The following LYPLA1 variants were observed in gnomAD, a reference collection of about 807,000 sequenced individuals.
The protein encoded by LYPLA1 is acyl-protein thioesterase 1.
In LYPLA1, 17 loss-of-function variants were observed where a neutral mutation model predicts 34.0. The ratio of observed to expected loss-of-function variants is 0.50; its 90% CI spans 0.34 to 0.75. LYPLA1 has a LOEUF of 0.75. Ranked by LOEUF, LYPLA1 falls within the 30% of genes least tolerant of loss-of-function variation. LYPLA1 has a pLI of 0.01. For missense variants in LYPLA1, 203 were observed against 288.8 expected (o/e 0.70, Z 2.15); for synonymous variants, 98 against 100.8 (o/e 0.97, Z 0.17).
chr8:54,072,949 A>C (rs983398368), intron 2 of LYPLA1, among the ~76,000 whole-genome samples: 4 of 152,058 alleles, frequency 2.6e-5, no homozygotes, highest in Admixed American at 6.6e-5. Flanking sequence ...AAAAAAAAAA[A>C]AAAGACATAC....
chr8:54,062,427 AAT>A (rs1317946646), intron 4 of LYPLA1, 103 bp from the exon 5 acceptor site: 2 of 436,230 alleles, frequency 4.6e-6, no homozygotes, highest in South Asian at 6.0e-5. Flanking sequence ...GCTAACCAGA[AAT>A]ATGTTTTATT....
At chr8:54,083,406 CAA>C (rs1808454172) in intron 2 of LYPLA1, among the ~76,000 whole-genome samples, 1 of 152,164 alleles carries the variant, frequency 6.6e-6, no homozygotes, top group African/African-American at 2.4e-5. Flanking sequence ...TATGAATATA[CAA>C]ACAGTTCCCA....
intron 1 of LYPLA1, chr8:54,101,322 G>C: frequency 9.3e-7 from 1 of 1,071,362 alleles, no homozygotes; most frequent in Non-Finnish European, 1.1e-6. Context: ...TTTCATACAC[G>C]AGTTTTCTAA....
At chr8:54,060,132 C>CTTT (rs112722082) in intron 5 of LYPLA1, among the ~76,000 whole-genome samples, 49,913 of 151,102 alleles carry the variant, frequency 0.33, 11,030 homozygotes, top group East Asian at 0.73. Context: ...TTCTTTCTTT[C>CTTT]TTTTTTTCCT....
At chr8:54,055,029 G>A (rs1414257871) in intron 6 of LYPLA1, 31 bp downstream of exon 6, 2 of 1,266,072 alleles carry the variant, frequency 1.6e-6, no homozygotes, top group East Asian at 2.3e-5. Context: ...TATACTGATG[G>A]TACTGACATT....
chr8:54,089,493 G>GC (rs1809049747), intron 2 of LYPLA1, among the ~76,000 whole-genome samples: 1 of 93,160 alleles, frequency 1.1e-5, no homozygotes, highest in African/African-American at 5.6e-5. Flanking sequence ...AGACATCCCT[G>GC]GGGGGGGGCG....
chr8:54,051,379 G>C (rs924516419), intron 7 of LYPLA1, among the ~76,000 whole-genome samples, 191 bp from the exon 8 acceptor site: 3 of 152,068 alleles, frequency 2.0e-5, no homozygotes, highest in Non-Finnish European at 4.4e-5. Flanking sequence ...TGATCACCTT[G>C]CCTCATATTA....
At chr8:54,089,636 T>G (rs1161472941) in intron 2 of LYPLA1, among the ~76,000 whole-genome samples, 1 of 152,046 alleles carries the variant, frequency 6.6e-6, no homozygotes, top group Non-Finnish European at 1.5e-5. Flanking sequence ...CTCTTTTTTT[T>G]TTTTTTGAGA....
rs917213178 is a variant in LYPLA1, at chr8:54,076,533, C to T, written c.102-10720G>A. ...GGGAGACATGTTGGGAGCAAGCCCC[C>T]CCGAAATCTGGCTATAAACTGGCCC... On this transcript the variant is annotated intron_variant, in intron 2 of 8. Coordinates refer to ENST00000316963, the MANE Select transcript of LYPLA1 (RefSeq NM_006330.4). Among the ~76,000 whole-genome samples, 42 of 152,296 alleles carry T rather than the reference C, an allele frequency of 2.8e-4. 1 individual carries two copies. The highest frequency in any genetic ancestry group is 9.6e-4 in the African/African-American group (40 of 41,564).
chr8:54,081,874 C>T (rs554891784), intron 2 of LYPLA1, among the ~76,000 whole-genome samples: 1 of 152,190 alleles, frequency 6.6e-6, no homozygotes, highest in African/African-American at 2.4e-5. Context: ...CGATTACAGG[C>T]ATGTGCCACC....
At chr8:54,053,722 T>C (rs1806009601) in intron 6 of LYPLA1, 1 of 456,110 alleles carries the variant, frequency 2.2e-6, no homozygotes, top group African/African-American at 2.0e-5. Flanking sequence ...AAAGCCAAGA[T>C]GGCCAATTGT....
intron 5 of LYPLA1, 123 bp downstream of exon 5, chr8:54,062,131 T>C: frequency 1.5e-6 from 1 of 650,558 alleles, no homozygotes; most frequent in Non-Finnish European, 2.6e-6. Context: ...GTACTGGGAT[T>C]ACAGGCGTGA....
chr8:54,100,555 G>A (rs991467872), intron 2 of LYPLA1: 1 of 272,466 alleles, frequency 3.7e-6, no homozygotes, highest in Admixed American at 5.8e-5. Context: ...AAATCAACTA[G>A]TTCTTCTCTT....
intron 2 of LYPLA1, among the ~76,000 whole-genome samples, chr8:54,098,742 T>C (rs947097525): frequency 2.0e-5 from 3 of 152,190 alleles, no homozygotes; most frequent in Non-Finnish European, 4.4e-5. Flanking sequence ...ATAAAGTATT[T>C]CTGGAATTTT....
At chr8:54,061,922 C>T (rs894249300) in intron 5 of LYPLA1, among the ~76,000 whole-genome samples, 1 of 152,160 alleles carries the variant, frequency 6.6e-6, no homozygotes, top group African/African-American at 2.4e-5. Context: ...GTGGGGCGAT[C>T]TCAGCTCACT....
At chr8:54,061,042 A>G (rs1172278577) in intron 5 of LYPLA1, among the ~76,000 whole-genome samples, 1 of 150,558 alleles carries the variant, frequency 6.6e-6, no homozygotes, top group Non-Finnish European at 1.5e-5. Context: ...CATTATTTTC[A>G]CTGTTATTCC....
Position 54,101,850 on chromosome 8 carries a change from G to T in LYPLA1, c.-27C>A. 3.2e-6 allele frequency: 4 copies of T among 1,235,772 alleles called. No individual in the cohort carries two copies. The highest frequency in any genetic ancestry group is 4.1e-6 in the Non-Finnish European group (4 of 977,634). 76.6% of individuals were successfully genotyped at this position (1,235,772 alleles called of 1,614,324 possible). On this transcript the variant is annotated 5_prime_UTR_variant, in exon 1 of 9. Transcript: ENST00000316963. ...CACCGCCTCAGCTCACAGCGCAAGC[G>T]GAAGGAAGAGCGGGCGCCCGGCCGC... is the stretch of plus-strand genomic sequence containing the variant.
intron 2 of LYPLA1, among the ~76,000 whole-genome samples, chr8:54,069,884 T>C (rs1807340326): frequency 6.6e-6 from 1 of 152,182 alleles, no homozygotes; most frequent in African/African-American, 2.4e-5. Context: ...TAATACACCA[T>C]GAAAAGATGC....
intron 2 of LYPLA1, among the ~76,000 whole-genome samples, chr8:54,097,487 T>C (rs752800994): frequency 8.5e-5 from 13 of 152,116 alleles, no homozygotes; most frequent in Non-Finnish European, 1.5e-4. Context: ...AGGGAGGAGA[T>C]AGCTATAAAG....
Sources: gnomAD v4.1 joint callset for allele counts (sites outside exome capture counted in the v4.1 genomes callset) on GRCh38, gnomAD v4.1.1 for gene constraint, MANE v1.5 for transcripts, NCBI Gene and HGNC (gene_info 2026-07-23, HGNC 2026-07-21) for gene names.